The following PTPRN2 variants were observed in gnomAD, a reference collection of about 807,000 sequenced individuals.
The protein encoded by PTPRN2 is protein tyrosine phosphatase receptor type N2, also known as receptor-type tyrosine-protein phosphatase N2.
PTPRN2 carries 74 observed loss-of-function variants against 118.8 expected under a neutral mutation model. That is an observed-to-expected ratio of 0.62 (90% confidence interval 0.52 to 0.76). The LOEUF (loss-of-function observed/expected upper bound fraction) is 0.76. Ranked by LOEUF, PTPRN2 falls within the 30% of genes least tolerant of loss-of-function variation. The pLI is 0.00. For synonymous variants in PTPRN2, 641 were observed against 608.0 expected, an observed-to-expected ratio of 1.05 and a Z score of -0.80; for missense variants, 1,481 against 1,394.4, an observed-to-expected ratio of 1.06 and a Z score of -0.99.
intron 11 of PTPRN2, among the ~76,000 whole-genome samples, chr7:158,057,665 C>G (rs1161966442): frequency 6.6e-6 from 1 of 152,144 alleles, no homozygotes; most frequent in Non-Finnish European, 1.5e-5. Context: ...AGAGCCCAGG[C>G]CCCACTTCCT....
chr7:158,269,331 C>G (rs1301249804), intron 3 of PTPRN2, among the ~76,000 whole-genome samples: 2 of 152,236 alleles, frequency 1.3e-5, no homozygotes, highest in Non-Finnish European at 2.9e-5. Context: ...CAGAAAGGCC[C>G]AAACACCAGC....
chr7:158,114,752 G>A (rs1376448649), intron 9 of PTPRN2, among the ~76,000 whole-genome samples: 4 of 152,198 alleles, frequency 2.6e-5, no homozygotes, highest in Non-Finnish European at 5.9e-5. Context: ...CTGGGGTAAG[G>A]GAGCCCCAGA....
chr7:157,540,608 C>T lies in PTPRN2; in HGVS notation c.*106G>A, dbSNP rs1563195666. 9.9e-6 allele frequency: 9 copies of T among 910,870 alleles called. No homozygotes were observed. The South Asian group carries it at 1.0e-4, about 10-fold the overall frequency. 56.4% of individuals were successfully genotyped at this position (910,870 alleles called of 1,614,324 possible). The stretch of plus-strand genomic sequence containing the variant: ...CGCTGACTACGGGAGAGCTAAGGGC[C>T]CTATTACTATGCAGTTATAATAGAA... On this transcript the variant is annotated 3_prime_UTR_variant, in exon 23 of 23. Coordinates refer to ENST00000389418, the MANE Select transcript of PTPRN2 (RefSeq NM_002847.5).
At chr7:158,140,979 G>A (rs992984758) in intron 6 of PTPRN2, among the ~76,000 whole-genome samples, 13 of 152,246 alleles carry the variant, frequency 8.5e-5, no homozygotes, top group South Asian at 2.1e-4. Context: ...GAACGACACC[G>A]GCAGAGTGAC....
chr7:157,782,343 T>C (rs983196652), intron 12 of PTPRN2, among the ~76,000 whole-genome samples: 3 of 152,212 alleles, frequency 2.0e-5, no homozygotes, highest in Non-Finnish European at 2.9e-5. Flanking sequence ...CGGGTTGGGA[T>C]GCATGCAGTG....
intron 10 of PTPRN2, among the ~76,000 whole-genome samples, chr7:158,097,315 G>A (rs538932562): frequency 2.6e-5 from 4 of 152,172 alleles, no homozygotes; most frequent in Admixed American, 2.0e-4. Context: ...CCCGCGCCCC[G>A]TGCACAGAGA....
chr7:158,570,401 G>A lies in PTPRN2; in HGVS notation c.112+17157C>T, dbSNP rs185791303. ...ATAAAGGCTGCGTCCAACCAGATGA[G>A]GACAGAACCGAGCGCCCTCCAGCAC... is the stretch of plus-strand genomic sequence containing the variant. On this transcript the variant is annotated intron_variant, in intron 1 of 22. Coordinates refer to ENST00000389418, the MANE Select transcript of PTPRN2 (RefSeq NM_002847.5). This position sits in a 1 kb window ranked among gnomAD's most constrained non-coding sequence, Gnocchi z 4.5. Among the ~76,000 whole-genome samples, 9 of 152,316 alleles carry A rather than the reference G, an allele frequency of 5.9e-5. No homozygotes were observed. In the East Asian group the frequency reaches 1.4e-3, roughly 23 times the overall value.
rs540540045 is a variant in PTPRN2 at position 158,359,033 on chromosome 7, T to C, written c.164-42101A>G. On this transcript the variant is annotated intron_variant, in intron 2 of 22. Transcript: ENST00000389418. ...GACGCCATCCCCACTCTAAGGAGTC[T>C]GGACTATGAGGTTGATGATGAGCAT... 2.4e-4 allele frequency among the ~76,000 whole-genome samples: 36 copies of C among 152,318 alleles called. No individual in the cohort carries two copies. The South Asian group carries it at 7.3e-3, about 31-fold the overall frequency.
At chr7:157,635,114 T>C (rs1804230851) in intron 14 of PTPRN2, among the ~76,000 whole-genome samples, 1 of 152,208 alleles carries the variant, frequency 6.6e-6, no homozygotes, top group African/African-American at 2.4e-5. Context: ...GTCAGTGCCA[T>C]TGGTTCAGTG....
chr7:158,515,917 T>C (rs1823520235), intron 1 of PTPRN2, among the ~76,000 whole-genome samples: 1 of 152,208 alleles, frequency 6.6e-6, no homozygotes, highest in Non-Finnish European at 1.5e-5. Flanking sequence ...TCCACCTTCA[T>C]AGTCCAGTCT....
At chr7:158,420,005 T>G (rs1380662435) in intron 2 of PTPRN2, among the ~76,000 whole-genome samples, 1 of 152,192 alleles carries the variant, frequency 6.6e-6, no homozygotes, top group Non-Finnish European at 1.5e-5. Context: ...CTCTGTCATG[T>G]TGGCCACTGT....
chr7:158,508,359 G>T (rs1027825070), intron 1 of PTPRN2, among the ~76,000 whole-genome samples: 1 of 152,216 alleles, frequency 6.6e-6, no homozygotes, highest in Admixed American at 6.5e-5. Context: ...ATCTGAGAAG[G>T]TGTATGTGGC....
intron 11 of PTPRN2, among the ~76,000 whole-genome samples, chr7:158,004,209 T>C (rs1805487447): frequency 6.6e-6 from 1 of 152,056 alleles, no homozygotes; most frequent in African/African-American, 2.4e-5. Flanking sequence ...CTGAGAGAAG[T>C]AGGCAGGGTC....
intron 21 of PTPRN2, among the ~76,000 whole-genome samples, chr7:157,566,300 A>G (rs1400883172): frequency 6.6e-6 from 1 of 152,268 alleles, no homozygotes; most frequent in East Asian, 1.9e-4. Flanking sequence ...TTTCACGTCC[A>G]GGACTCTGGG....
At chr7:158,127,303 G>C (rs528703623) in intron 9 of PTPRN2, among the ~76,000 whole-genome samples, 1 of 150,936 alleles carries the variant, frequency 6.6e-6, no homozygotes, top group Non-Finnish European at 1.5e-5. Flanking sequence ...CCTCCTCTGC[G>C]TGCACCCTGC....
chr7:157,673,276 G>A (rs1482435848), intron 13 of PTPRN2, among the ~76,000 whole-genome samples: 4 of 152,080 alleles, frequency 2.6e-5, no homozygotes, highest in Non-Finnish European at 4.4e-5. Context: ...TGCCTGCCTC[G>A]GCCTCCCAAA....
intron 11 of PTPRN2, among the ~76,000 whole-genome samples, chr7:157,928,863 G>A (rs1477600350): frequency 6.8e-6 from 1 of 147,112 alleles, no homozygotes; most frequent in Non-Finnish European, 1.5e-5. Context: ...ATAGGATGGG[G>A]GGGTGGGACA....
chr7:158,499,366 T>C (rs562752678), intron 1 of PTPRN2, among the ~76,000 whole-genome samples: 60 of 152,304 alleles, frequency 3.9e-4, no homozygotes, highest in African/African-American at 1.4e-3. Context: ...CATGTAGAAA[T>C]CATCCGTAAA....
At chr7:158,341,120 C>G (rs1199435684) in intron 2 of PTPRN2, among the ~76,000 whole-genome samples, 5 of 21,592 alleles carry the variant, frequency 2.3e-4, no homozygotes, top group African/African-American at 8.1e-4. Context: ...CACACCCACA[C>G]GTCACTCACA....
Sources: allele counts gnomAD v4.1 joint callset (sites outside exome capture counted in the v4.1 genomes callset), GRCh38; gene constraint gnomAD v4.1.1; non-coding constraint Gnocchi (gnomAD v3.1); transcripts MANE v1.5; gene names NCBI Gene and HGNC (gene_info 2026-07-23, HGNC 2026-07-21).